The following CACNA1E variants were observed in gnomAD, a reference collection of about 807,000 sequenced individuals.
The protein encoded by CACNA1E is voltage-dependent R-type calcium channel subunit alpha-1E.
Under a neutral mutation model 259.2 loss-of-function variants are expected in CACNA1E, and 40 were observed. The observed-to-expected ratio is 0.15, with a 90% confidence interval of 0.12 to 0.20. The LOEUF (loss-of-function observed/expected upper bound fraction) is 0.20. Among genes scored for constraint, CACNA1E ranks in the 10% least tolerant of loss-of-function variants. The pLI is 1.00. For missense variants in CACNA1E, 1,874 were observed against 3,040.1 expected (o/e 0.62, Z 9.02); for synonymous variants, 1,104 against 1,138.5 (o/e 0.97, Z 0.61).
chr1:181,345,761 C>T (rs531941498), intron 1 of CACNA1E, among the ~76,000 whole-genome samples: 94 of 152,324 alleles, frequency 6.2e-4, no homozygotes, highest in African/African-American at 2.1e-3. Flanking sequence ...CTCATTTCCC[C>T]GCTTCTTGAG....
chr1:181,429,530 G>A (rs1163373755), intron 2 of CACNA1E, among the ~76,000 whole-genome samples: 1 of 152,230 alleles, frequency 6.6e-6, no homozygotes, highest in Non-Finnish European at 1.5e-5. Context: ...GTTGGTGGAA[G>A]CTGAAAAGTC....
At chr1:181,368,950 C>G (rs1016404956) in intron 1 of CACNA1E, among the ~76,000 whole-genome samples, 1 of 152,152 alleles carries the variant, frequency 6.6e-6, no homozygotes, top group Non-Finnish European at 1.5e-5. Context: ...ATATGCAAAG[C>G]ACTGGGCCCA....
intron 12 of CACNA1E, among the ~76,000 whole-genome samples, chr1:181,718,777 G>GT (rs1455496001): frequency 2.6e-5 from 4 of 152,058 alleles, no homozygotes; most frequent in African/African-American, 7.2e-5. Flanking sequence ...GTGCTTTCAC[G>GT]TATCTTTTAT....
At chr1:181,510,338 G>T in intron 1 of CACNA1E, 139 bp from the exon 2 acceptor site, 1 of 654,968 alleles carries the variant, frequency 1.5e-6, no homozygotes, top group Non-Finnish European at 2.8e-6. Context: ...TGTCTTGCCT[G>T]CCTGCCTGTT....
At chr1:181,346,123 G>C (rs1652575214) in intron 1 of CACNA1E, among the ~76,000 whole-genome samples, 2 of 152,204 alleles carry the variant, frequency 1.3e-5, no homozygotes, top group Admixed American at 1.3e-4. Context: ...GGGCACTGAA[G>C]GTCAGCGAGG....
intron 6 of CACNA1E, among the ~76,000 whole-genome samples, chr1:181,601,765 C>A (rs1020825208): frequency 3.9e-5 from 6 of 152,162 alleles, no homozygotes; most frequent in South Asian, 2.1e-4. Flanking sequence ...CAGTGTAAAT[C>A]AGACCATGTC....
In CACNA1E at chr1:181,799,114, C is replaced by T. The variant is rs772458660; in HGVS notation, c.*280C>T. 14 of 315,140 alleles carry T rather than the reference C, an allele frequency of 4.4e-5. No individual in the cohort carries two copies. Among genetic ancestry groups the T allele is most frequent in the Admixed American group, 4.6e-5 (1 of 21,634 alleles). The allele number at this position is 315,140 out of a possible 1,614,324, so 19.5% of individuals were successfully genotyped here. On this transcript the variant is annotated 3_prime_UTR_variant, in exon 48 of 48. Coordinates refer to ENST00000367573, the MANE Select transcript of CACNA1E (RefSeq NM_001205293.3). ...GGTTATTACTGCGGGAGAAGGGACA[C>T]GAGGATGGCTTTGCTTCCCCTTGCC... is the stretch of plus-strand genomic sequence containing the variant.
At chr1:181,544,469 A>G (rs1647244037) in intron 3 of CACNA1E, among the ~76,000 whole-genome samples, 2 of 152,328 alleles carry the variant, frequency 1.3e-5, no homozygotes, top group South Asian at 2.1e-4. Context: ...TTATAACTCA[A>G]TAAAGCTGCT....
intron 1 of CACNA1E, among the ~76,000 whole-genome samples, chr1:181,510,166 T>C (rs1356618085): frequency 2.6e-5 from 4 of 152,224 alleles, no homozygotes; most frequent in Non-Finnish European, 5.9e-5. Context: ...ATTGGATTTG[T>C]TATTGAATTC....
At position 181,802,670 on chromosome 1, in the gene CACNA1E, C is replaced by T. The variant is rs1170937390; in HGVS notation, c.*3836C>T. On this transcript the variant is annotated 3_prime_UTR_variant, in exon 48 of 48. Transcript: ENST00000367573. ...CTGGTGCTCCTCGCAAGACAACTGA[C>T]ACAAGGTGTAGGGTGTGGGGGTGGA... 2.6e-5 allele frequency: 4 copies of T among 152,224 alleles called. No homozygotes were observed. The highest frequency in any genetic ancestry group is 4.4e-5 in the Non-Finnish European group (3 of 68,058). The allele number at this position is 152,224 out of a possible 1,614,324, so 9.4% of individuals were successfully genotyped here.
intron 7 of CACNA1E, among the ~76,000 whole-genome samples, chr1:181,705,427 G>A (rs1652699310): frequency 6.6e-6 from 1 of 152,210 alleles, no homozygotes; most frequent in Non-Finnish European, 1.5e-5. Context: ...TAGTAACCAG[G>A]ATAAAAGAAA....
At chr1:181,425,486 T>C (rs559069542) in intron 2 of CACNA1E, among the ~76,000 whole-genome samples, 2 of 126,186 alleles carry the variant, frequency 1.6e-5, no homozygotes, top group South Asian at 2.3e-4. Context: ...CGCTTTGGCC[T>C]TTTTGGCTGA....
chr1:181,659,389 G>A (rs1337448864), intron 7 of CACNA1E, among the ~76,000 whole-genome samples: 3 of 152,222 alleles, frequency 2.0e-5, no homozygotes, highest in Non-Finnish European at 4.4e-5. Context: ...CAAAGGAAAT[G>A]GGATTTGATG....
At chr1:181,543,986 A>G (rs1169958838) in intron 3 of CACNA1E, among the ~76,000 whole-genome samples, 3 of 152,246 alleles carry the variant, frequency 2.0e-5, no homozygotes, top group Non-Finnish European at 4.4e-5. Flanking sequence ...TTTAAGAGGC[A>G]TAACATATAC....
At chr1:181,690,089 T>TG (rs1186935246) in intron 7 of CACNA1E, among the ~76,000 whole-genome samples, 1 of 152,218 alleles carries the variant, frequency 6.6e-6, no homozygotes, top group Admixed American at 6.5e-5. Flanking sequence ...GGTTTTCTTA[T>TG]GGGGTTTTTA....
intron 1 of CACNA1E, among the ~76,000 whole-genome samples, chr1:181,389,445 T>C (rs1656097771): frequency 6.6e-6 from 1 of 152,224 alleles, no homozygotes; most frequent in African/African-American, 2.4e-5. Flanking sequence ...GAGCTGTGAG[T>C]GTTGGTCTTG....
chr1:181,411,261 A>G (rs1170670491), intron 1 of CACNA1E, among the ~76,000 whole-genome samples: 1 of 152,078 alleles, frequency 6.6e-6, no homozygotes, highest in Non-Finnish European at 1.5e-5. Context: ...ATTAAGTTAA[A>G]CCTTTGCTAA....
intron 2 of CACNA1E, among the ~76,000 whole-genome samples, chr1:181,452,134 T>TTG: frequency 6.6e-6 from 1 of 152,324 alleles, no homozygotes; most frequent in South Asian, 2.1e-4. Flanking sequence ...TTTGCCTTTG[T>TTG]GGTAATCCTG....
intron 6 of CACNA1E, among the ~76,000 whole-genome samples, chr1:181,601,107 G>A (rs970254609): frequency 6.6e-6 from 1 of 152,074 alleles, no homozygotes; most frequent in Non-Finnish European, 1.5e-5. Context: ...ATGAAAATAG[G>A]AATTCCCACT....
Sources: allele counts gnomAD v4.1 joint callset (sites outside exome capture counted in the v4.1 genomes callset), GRCh38; gene constraint gnomAD v4.1.1; transcripts MANE v1.5; gene names NCBI Gene and HGNC (gene_info 2026-07-23, HGNC 2026-07-21).